Variants in RSF1 observed in about 807,000 individuals in gnomAD.
RSF1 encodes remodeling and spacing factor 1, also known as HBV pX-associated protein 8.
Under a neutral mutation model 145.2 loss-of-function variants are expected in RSF1, and 13 were observed. The observed-to-expected ratio is 0.09, with a 90% confidence interval of 0.06 to 0.14. The LOEUF (loss-of-function observed/expected upper bound fraction) is 0.14. RSF1 is among the 10% of genes least tolerant of loss of function. The pLI is 1.00. For synonymous variants in RSF1, 577 were observed against 592.6 expected, an observed-to-expected ratio of 0.97 and a Z score of 0.38; for missense variants, 1,517 against 1,718.2, an observed-to-expected ratio of 0.88 and a Z score of 2.07.
chr11:77,795,528 A>C (rs1417966397), intron 1 of RSF1, among the ~76,000 whole-genome samples: 1 of 152,200 alleles, frequency 6.6e-6, no homozygotes, highest in East Asian at 1.9e-4. Context: ...AGACACACAG[A>C]CCAATGAAAC....
At position 77,662,937 on chromosome 11, in the gene RSF1, CA is replaced by C. The variant is rs1175661890; in HGVS notation, c.*3979del. On this transcript the variant is annotated 3_prime_UTR_variant, in exon 16 of 16. Transcript: ENST00000308488. The stretch of plus-strand genomic sequence containing the variant: ...ATGTTCATAATATTTGTATCTGTTG[CA>C]ATGCAGCCATCTTATTTCTTTCAAG... 4 of 152,144 alleles carry C rather than the reference CA, an allele frequency of 2.6e-5. No individual in the cohort carries two copies. The highest frequency in any genetic ancestry group is 9.7e-5 in the African/African-American group (4 of 41,424). The allele number at this position is 152,144 out of a possible 1,614,324, so 9.4% of individuals were successfully genotyped here. A position where few individuals can be genotyped will look rare whatever the true frequency, so the allele number is the denominator to read the frequency against.
At chr11:77,710,185 A>G (rs974446315) in intron 5 of RSF1, among the ~76,000 whole-genome samples, 1 of 152,172 alleles carries the variant, frequency 6.6e-6, no homozygotes, top group Non-Finnish European at 1.5e-5. Flanking sequence ...ACAAGTAAAA[A>G]TTGTATATAT....
At chr11:77,742,303 CAG>C (rs1491114801) in intron 3 of RSF1, among the ~76,000 whole-genome samples, 1 of 152,126 alleles carries the variant, frequency 6.6e-6, no homozygotes, top group Non-Finnish European at 1.5e-5. Flanking sequence ...TTTTTTAAGA[CAG>C]AGTTTCATTC....
intron 1 of RSF1, among the ~76,000 whole-genome samples, chr11:77,782,509 C>G (rs1365337497): frequency 1.3e-5 from 2 of 151,848 alleles, no homozygotes; most frequent in Non-Finnish European, 2.9e-5. Context: ...CCACTGAACT[C>G]CAGCCTGGGC....
chr11:77,749,286 C>T (rs377025992), intron 2 of RSF1, among the ~76,000 whole-genome samples: 13 of 151,864 alleles, frequency 8.6e-5, no homozygotes, highest in South Asian at 4.2e-4. Context: ...ATTGTTTAAA[C>T]GGTAAATTTT....
intron 1 of RSF1, among the ~76,000 whole-genome samples, chr11:77,765,122 A>G (rs1948212656): frequency 6.9e-6 from 1 of 144,592 alleles, no homozygotes; most frequent in African/African-American, 2.4e-5. Flanking sequence ...TTGCTCTTAA[A>G]AAAATAGTTT....
chr11:77,818,871 T>A (rs182323203), intron 1 of RSF1, among the ~76,000 whole-genome samples: 155 of 152,340 alleles, frequency 1.0e-3, no homozygotes, highest in Middle Eastern at 3.4e-3. Context: ...TTAAACAAAT[T>A]CTGTGAGAAG....
chr11:77,761,828 A>ATTT (rs11381383), intron 2 of RSF1, among the ~76,000 whole-genome samples: 28 of 119,522 alleles, frequency 2.3e-4, no homozygotes, highest in Middle Eastern at 4.6e-3. Flanking sequence ...CCATTCGGTG[A>ATTT]TTTTTTTTTT....
At chr11:77,734,378 T>C in intron 4 of RSF1, 1 of 837,622 alleles carries the variant, frequency 1.2e-6, no homozygotes, top group Non-Finnish European at 2.0e-6. Flanking sequence ...GATGTTTTGG[T>C]ACAACTTATA....
At chr11:77,843,412 T>C in the RSF1 span, among the ~76,000 whole-genome samples, 1 of 152,146 alleles carries the variant, frequency 6.6e-6, no homozygotes, top group East Asian at 1.9e-4. Context: ...GGGGGCAGGA[T>C]GAGAGGCACT....
intron 2 of RSF1, among the ~76,000 whole-genome samples, chr11:77,761,702 C>G (rs1358965878): frequency 6.6e-6 from 1 of 152,100 alleles, no homozygotes; most frequent in Non-Finnish European, 1.5e-5. Flanking sequence ...TAAAGGTTCA[C>G]TGGCAGAGAA....
intron 15 of RSF1, among the ~76,000 whole-genome samples, chr11:77,671,807 T>A (rs1218325668): frequency 6.6e-6 from 1 of 152,054 alleles, no homozygotes; most frequent in East Asian, 1.9e-4. Context: ...CTAATTTTTT[T>A]ATTTTTAGTA....
At chr11:77,771,589 A>G (rs796461681) in intron 1 of RSF1, among the ~76,000 whole-genome samples, 4 of 152,330 alleles carry the variant, frequency 2.6e-5, no homozygotes, top group African/African-American at 9.6e-5. Context: ...TTCAAGATTT[A>G]AGTTTTTAAA....
chr11:77,751,143 T>C (rs778876799), intron 2 of RSF1, among the ~76,000 whole-genome samples: 11 of 152,104 alleles, frequency 7.2e-5, no homozygotes, highest in African/African-American at 1.4e-4. Context: ...CCGTATCAGC[T>C]CAATATATAT....
intron 1 of RSF1, among the ~76,000 whole-genome samples, chr11:77,792,894 G>T (rs545978128): frequency 6.6e-6 from 1 of 152,172 alleles, no homozygotes; most frequent in South Asian, 2.1e-4. Flanking sequence ...AATGCTCAAA[G>T]GAGTACTAAA....
At chr11:77,742,247 T>C (rs1947948940) in intron 3 of RSF1, among the ~76,000 whole-genome samples, 1 of 152,162 alleles carries the variant, frequency 6.6e-6, no homozygotes, top group African/African-American at 2.4e-5. Context: ...GCCGAACTAA[T>C]TTACATTCTC....
Position 77,685,173 on chromosome 11 carries a change from A to C in RSF1, c.2901-14T>G, listed in dbSNP as rs763861191. ...AAGCGTTCTTTTCTTTAGGTGAAAA[A>C]CAAACAAAATACATGAGATTTGCAG... On this transcript the variant is annotated splice_polypyrimidine_tract_variant and intron_variant, in intron 9 of 15. Transcript: ENST00000308488. 1.9e-5 allele frequency: 29 copies of C among 1,498,316 alleles called. No individual in the cohort carries two copies. Among genetic ancestry groups the C allele is most frequent in the Non-Finnish European group, 2.5e-5 (28 of 1,105,540 alleles). 92.8% of individuals were successfully genotyped at this position (1,498,316 alleles called of 1,614,324 possible). A position where few individuals can be genotyped will look rare whatever the true frequency, so the allele number is the denominator to read the frequency against.
chr11:77,741,416 G>A (rs1035802536), intron 3 of RSF1, among the ~76,000 whole-genome samples: 4 of 152,076 alleles, frequency 2.6e-5, no homozygotes, highest in Admixed American at 6.6e-5. Context: ...GGTGGTGCAC[G>A]CCTACAGTCC....
intron 9 of RSF1, 67 bp from the exon 10 acceptor site, chr11:77,685,226 G>T (rs1326869935): frequency 1.2e-6 from 1 of 841,564 alleles, no homozygotes; most frequent in South Asian, 1.9e-5. Context: ...TAAACATCAC[G>T]AATACACATA....
Sources: gnomAD v4.1 joint callset for allele counts (sites outside exome capture counted in the v4.1 genomes callset) on GRCh38, gnomAD v4.1.1 for gene constraint, MANE v1.5 for transcripts, NCBI Gene and HGNC (gene_info 2026-07-23, HGNC 2026-07-21) for gene names.